The following ITGB8 variants were observed in gnomAD, a reference collection of about 807,000 sequenced individuals.
The protein encoded by ITGB8 is integrin beta-8.
ITGB8 carries 30 observed loss-of-function variants against 89.5 expected under a neutral mutation model. The observed-to-expected ratio is 0.34, with a 90% CI of 0.25 to 0.45. The LOEUF is 0.45. Ranked by LOEUF, ITGB8 falls within the 20% of genes least tolerant of loss-of-function variation. The probability of loss-of-function intolerance (pLI) is 1.00; values close to 1 mark genes in which losing one functional copy is unlikely to be tolerated. For synonymous variants in ITGB8, 335 were observed against 320.4 expected (o/e 1.05, Z -0.49); for missense variants, 836 against 933.3 (o/e 0.90, Z 1.36).
intron 3 of ITGB8, among the ~76,000 whole-genome samples, chr7:20,367,439 G>T (rs918344377): frequency 6.6e-6 from 1 of 152,154 alleles, no homozygotes. Flanking sequence ...AGGTTGTGAT[G>T]TAATTGTGTT....
intron 1 of ITGB8, among the ~76,000 whole-genome samples, chr7:20,347,256 C>G (rs1159365295): frequency 6.6e-6 from 1 of 152,174 alleles, no homozygotes; most frequent in Non-Finnish European, 1.5e-5. Context: ...CTTTACTACT[C>G]AGGTGGTGGA....
At chr7:20,337,403 C>T (rs527681865) in intron 1 of ITGB8, among the ~76,000 whole-genome samples, 11 of 152,168 alleles carry the variant, frequency 7.2e-5, no homozygotes, top group Non-Finnish European at 1.5e-4. Context: ...TCTTAAAGCA[C>T]ATACAGCTTT....
chr7:20,369,640 G>A (rs562102055), intron 3 of ITGB8, among the ~76,000 whole-genome samples: 2 of 152,070 alleles, frequency 1.3e-5, no homozygotes, highest in African/African-American at 4.8e-5. Flanking sequence ...CAATTCAGTC[G>A]ATAGCATTTG....
At chr7:20,397,780 G>A (rs941357598) in intron 8 of ITGB8, among the ~76,000 whole-genome samples, 15 of 152,102 alleles carry the variant, frequency 9.9e-5, no homozygotes, top group African/African-American at 3.6e-4. Flanking sequence ...CTAAAGATAC[G>A]CTACCAGAAT....
chr7:20,386,914 A>C (rs898238713), intron 6 of ITGB8, among the ~76,000 whole-genome samples: 2 of 152,194 alleles, frequency 1.3e-5, no homozygotes, highest in Non-Finnish European at 2.9e-5. Flanking sequence ...ACAAAAATCA[A>C]TGCATACCCT....
intron 1 of ITGB8, chr7:20,353,199 G>A (rs1234249586): frequency 1.3e-5 from 2 of 152,222 alleles, no homozygotes; most frequent in East Asian, 3.8e-4. Context: ...CCTGCCCAAG[G>A]TTGAACATGC....
rs775937330 is a variant in ITGB8 at position 20,381,910 on chromosome 7, A to G, written c.960+25A>G. ...GGTAATGCAGCAGTAACCGCTTAGT[A>G]GATATGACTCTTTTGGTTAAAGTAC... On this transcript the variant is annotated intron_variant, in intron 6 of 13. Transcript: ENST00000222573. 5 of 1,577,126 alleles carry G rather than the reference A, an allele frequency of 3.2e-6. No individual in the cohort carries two copies. The African/African-American group carries it at 5.5e-5, about 17-fold the overall frequency.
Position 20,410,035 on chromosome 7 carries a change from G to T in ITGB8, c.*38G>T. The stretch of plus-strand genomic sequence containing the variant: ...AAACACTTAATGGGAAACTGGAATT[G>T]TTAATAATTGCTCCTAAAGATTATA... On this transcript the variant is annotated 3_prime_UTR_variant, in exon 14 of 14. Coordinates refer to ENST00000222573, the MANE Select transcript of ITGB8 (RefSeq NM_002214.3). The T allele has an allele frequency of 6.3e-7, 1 of 1,579,886 alleles. No homozygotes were observed. The highest frequency in any genetic ancestry group is 1.1e-5 in the South Asian group (1 of 87,102).
In ITGB8 at chr7:20,331,439, A is replaced by G; in HGVS notation, c.-368A>G. ...GGCTCTTCGCTAAGCTGATTTATGC[A>G]GCAGAAGCCCCACCGGCTGGAGAGA... On this transcript the variant is annotated 5_prime_UTR_variant, in exon 1 of 14. Transcript: ENST00000222573. 2.4e-6 allele frequency: 1 copy of G among 408,808 alleles called. No individual in the cohort carries two copies. Among genetic ancestry groups the G allele is most frequent in the East Asian group, 3.6e-5 (1 of 28,060 alleles). The allele number at this position is 408,808 out of a possible 1,614,324, so 25.3% of individuals were successfully genotyped here.
intron 6 of ITGB8, among the ~76,000 whole-genome samples, chr7:20,385,265 G>A (rs968605023): frequency 2.0e-4 from 30 of 152,216 alleles, no homozygotes; most frequent in Non-Finnish European, 3.4e-4. Context: ...ATTTTCAGAT[G>A]TTGATGTGAC....
chr7:20,362,371 C>A (rs1044004975), intron 1 of ITGB8, among the ~76,000 whole-genome samples: 3 of 152,176 alleles, frequency 2.0e-5, no homozygotes, highest in African/African-American at 7.2e-5. Flanking sequence ...TGCACATGCA[C>A]ACAGTTTTCT....
At chr7:20,358,078 G>T (rs1313159113) in intron 1 of ITGB8, among the ~76,000 whole-genome samples, 2 of 152,132 alleles carry the variant, frequency 1.3e-5, no homozygotes, top group Non-Finnish European at 2.9e-5. Flanking sequence ...CAATTCTCCT[G>T]CCTCAGCCTC....
chr7:20,330,923 C>T lies in ITGB8; in HGVS notation c.-884C>T, dbSNP rs538303629. The stretch of plus-strand genomic sequence containing the variant: ...CCAGAGCGCGCCAGCAACTCGGGCT[C>T]TGGACTGCGGGACGCCTGAGCCGCG... On this transcript the variant is annotated 5_prime_UTR_variant, in exon 1 of 14. Coordinates refer to ENST00000222573, the MANE Select transcript of ITGB8 (RefSeq NM_002214.3). 5 of 152,416 alleles carry T rather than the reference C, an allele frequency of 3.3e-5. No homozygotes were observed. Among genetic ancestry groups the T allele is most frequent in the Non-Finnish European group, 7.3e-5 (5 of 68,176 alleles). The allele number at this position is 152,416 out of a possible 1,614,324, so 9.4% of individuals were successfully genotyped here.
intron 1 of ITGB8, 139 bp downstream of exon 1, chr7:20,332,072 G>C: frequency 6.9e-7 from 1 of 1,452,946 alleles, no homozygotes; most frequent in South Asian, 1.4e-5. Context: ...GCGGGGCAGC[G>C]TCCTCCAGCA....
In ITGB8 at chr7:20,409,709, G is replaced by A. The variant is rs765927432; in HGVS notation, c.2118G>A (p.Gln706=). 3.7e-6 allele frequency: 6 copies of A among 1,610,312 alleles called. No individual in the cohort carries two copies. The highest frequency in any genetic ancestry group is 5.1e-6 in the Non-Finnish European group (6 of 1,177,156). ...IGLLKVLIIR[Q]VILQWNSNKI... is the part of the protein sequence containing the mutation. ...TGCTTAAAGTCCTGATCATTAGACA[G>A]GTGATACTACAATGGAATAGTAATA... is the stretch of plus-strand genomic sequence containing the variant. Residue 706 remains glutamine, a synonymous_variant, in exon 13 of 14, where the codon CAG becomes CAA. Coordinates refer to ENST00000222573, the MANE Select transcript of ITGB8 (RefSeq NM_002214.3).
chr7:20,376,621 T>A (rs10215853), intron 3 of ITGB8, among the ~76,000 whole-genome samples: 1 of 151,742 alleles, frequency 6.6e-6, no homozygotes, highest in Non-Finnish European at 1.5e-5. Flanking sequence ...TATCTCAAAC[T>A]AATGGGCATG....
chr7:20,381,583 A>G (rs920661280), intron 5 of ITGB8, 144 bp from the exon 6 acceptor site: 7 of 567,156 alleles, frequency 1.2e-5, no homozygotes, highest in African/African-American at 3.8e-5. Context: ...AGTTAAAGCT[A>G]TTTACGCAGC....
At chr7:20,353,895 G>C (rs1417985712) in intron 1 of ITGB8, among the ~76,000 whole-genome samples, 1 of 110,848 alleles carries the variant, frequency 9.0e-6, no homozygotes, top group Non-Finnish European at 1.6e-5. Context: ...TCGCGCCACT[G>C]CACTCCAGCC....
At chr7:20,361,768 A>G (rs1562667231) in intron 1 of ITGB8, among the ~76,000 whole-genome samples, 1 of 152,200 alleles carries the variant, frequency 6.6e-6, no homozygotes, top group Non-Finnish European at 1.5e-5. Context: ...CAGATTTTAC[A>G]GTTTGGCAGC....
Sources: allele counts gnomAD v4.1 joint callset (sites outside exome capture counted in the v4.1 genomes callset), GRCh38; gene constraint gnomAD v4.1.1; transcripts MANE v1.5; gene names NCBI Gene and HGNC (gene_info 2026-07-23, HGNC 2026-07-21).